The following ZSWIM8 variants were observed in gnomAD, a reference collection of about 807,000 sequenced individuals.
The protein encoded by ZSWIM8 is zinc finger SWIM domain-containing protein 8.
ZSWIM8 carries 27 observed loss-of-function variants against 173.7 expected under a neutral mutation model. That is an observed-to-expected ratio of 0.16 (90% CI 0.11 to 0.21). ZSWIM8 has a LOEUF of 0.21. Among genes scored for constraint, ZSWIM8 ranks in the 10% least tolerant of loss-of-function variants. The pLI, the probability that ZSWIM8 is intolerant of heterozygous loss-of-function variation, is 1.00. For synonymous variants in ZSWIM8, 958 were observed against 962.0 expected (o/e 1.00, Z 0.08); for missense variants, 1,627 against 2,428.8 (o/e 0.67, Z 6.94).
At chr10:73,796,482 G>C in intron 15 of ZSWIM8, 1 of 471,142 alleles carries the variant, frequency 2.1e-6, no homozygotes. Context: ...TGGGCATGGG[G>C]TGGAAGAAGA....
chr10:73,789,126 G>C lies in ZSWIM8; in HGVS notation c.393G>C (p.Ala131=). Residue 131 remains alanine, a synonymous_variant, in exon 3 of 26, where the codon GCG becomes GCC. Transcript: ENST00000604729. This position sits in a 1 kb window ranked among gnomAD's most constrained non-coding sequence, Gnocchi z 6.8. ...RLYSCLANGS[A]DEFQRGDQLF... Reference sequence around the variant, plus strand: ...ATTCGTGCCTGGCCAATGGCAGTGCGGATGAGTTTCAGCGAGGGGATCAGC... The same window carrying C: ...ATTCGTGCCTGGCCAATGGCAGTGCCGATGAGTTTCAGCGAGGGGATCAGC... 1 of 1,613,974 alleles carries C rather than the reference G, an allele frequency of 6.2e-7. No individual in the cohort carries two copies. Among genetic ancestry groups the C allele is most frequent in the Middle Eastern group, 1.6e-4 (1 of 6,062 alleles).
In ZSWIM8 at chr10:73,787,021, G is replaced by A. The variant is rs898436149; in HGVS notation, c.208+935G>A. On this transcript the variant is annotated intron_variant, in intron 1 of 25. Transcript: ENST00000604729. ...TGCAATGGCACGATCTCGGCTCACC[G>A]CAACCTCCGCCTCCCCAGTTCAAGC... Among the ~76,000 whole-genome samples, 89 of 149,696 alleles carry A rather than the reference G, an allele frequency of 5.9e-4. 2 individuals carry two copies. Among genetic ancestry groups the A allele is most frequent in the African/African-American group, 2.5e-4 (10 of 40,412 alleles).
intron 6 of ZSWIM8, 63 bp from the exon 7 acceptor site, chr10:73,790,109 C>T: frequency 6.2e-7 from 1 of 1,610,908 alleles, no homozygotes; most frequent in Non-Finnish European, 8.5e-7. Flanking sequence ...TTACTCAAGG[C>T]TTGCTGTTGT....
Position 73,789,503 on chromosome 10 carries a change from C to G in ZSWIM8, c.594C>G (p.Thr198=). 6.2e-7 allele frequency: 1 copy of G among 1,613,218 alleles called. No homozygotes were observed. Among genetic ancestry groups the G allele is most frequent in the Non-Finnish European group, 8.5e-7 (1 of 1,179,714 alleles). The change falls in exon 4 of 26, where the codon ACC becomes ACG. Residue 198 remains threonine, a synonymous_variant. Transcript: ENST00000604729. This position sits in a 1 kb window ranked among gnomAD's most constrained non-coding sequence, Gnocchi z 6.8. Reference sequence around the variant, plus strand: ...GTGGGGCTGGGGCCAAATGGTGCACCCACGTCGTGGCACTCTGTCTCTTCC... The same window carrying G: ...GTGGGGCTGGGGCCAAATGGTGCACGCACGTCGTGGCACTCTGTCTCTTCC... ...CTCGAGAKWC[T]HVVALCLFRI... is the part of the protein sequence containing the mutation.
rs753329437 is a variant in ZSWIM8 at position 73,792,248 on chromosome 10, G to C, written c.1709G>C (p.Gly570Ala). The C allele has an allele frequency of 1.3e-6, 2 of 1,574,540 alleles. No homozygotes were observed. Among genetic ancestry groups the C allele is most frequent in the Non-Finnish European group, 1.7e-6 (2 of 1,158,958 alleles). ...GGTCCCCGCCGCCTCTCAGCTGAAG[G>C]GGGAGATAAAGCTCTACATAAGATG... ...QRGPRRLSAEGGDKALHKMGP... is the reference protein window; with the variant it reads ...QRGPRRLSAEAGDKALHKMGP... Residue 570 changes from glycine to alanine, a missense_variant, in exon 10 of 26, where the codon GGG becomes GCG. By Grantham distance (60) the Gly-to-Ala change is moderately conservative (BLOSUM62 0). Transcript: ENST00000604729. This position sits in a 1 kb window ranked among gnomAD's most constrained non-coding sequence, Gnocchi z 4.3.
In ZSWIM8 at chr10:73,799,242, G is replaced by A; in HGVS notation, c.4417G>A (p.Val1473Ile). ...TAGAGGGGGCCCAGGGACTGAGCCG[G>A]TTACAGTGGCAGCGGCAGCAGTGAC... ...EGRGGPGTEP[V>I]TVAAAAVTAA... is the part of the protein sequence containing the mutation. The change falls in exon 21 of 26, where the codon GTT becomes ATT. Residue 1473 changes from valine (V) to isoleucine (I), a missense_variant. This residue lies in a region of ZSWIM8 where 275 missense variants were observed against 290.1 expected (regional missense o/e 0.95). Coordinates refer to ENST00000604729, the MANE Select transcript of ZSWIM8 (RefSeq NM_001367799.1). 2 of 1,603,210 alleles carry A rather than the reference G, an allele frequency of 1.2e-6. No individual in the cohort carries two copies. Among genetic ancestry groups the A allele is most frequent in the Non-Finnish European group, 1.7e-6 (2 of 1,174,960 alleles).
intron 15 of ZSWIM8, 44 bp downstream of exon 15, chr10:73,795,707 C>T: frequency 6.3e-7 from 1 of 1,589,270 alleles, no homozygotes. Flanking sequence ...CCTGTAATCC[C>T]AGCAGTTTGG....
In ZSWIM8 at chr10:73,792,118, T is replaced by C. The variant is rs748904764; in HGVS notation, c.1579T>C (p.Ser527Pro). The part of the protein sequence containing the change: ...GASRSGGLEE[S>P]RDRPRPLPTE... ...CTCCCGCTCTGGGGGCCTGGAGGAA[T>C]CCCGGGACCGGCCCCGACCCCTTCC... Residue 527 changes from serine (S) to proline (P), a missense_variant, in exon 10 of 26, where the codon TCC becomes CCC. Around this residue, in one of 18 missense-constraint regions of ZSWIM8, gnomAD observed 383 missense variants for 394.8 expected, o/e 0.97. Coordinates refer to ENST00000604729, the MANE Select transcript of ZSWIM8 (RefSeq NM_001367799.1). This position sits in a 1 kb window ranked among gnomAD's most constrained non-coding sequence, Gnocchi z 4.3. The C allele has an allele frequency of 7.1e-5, 109 of 1,530,414 alleles. No individual in the cohort carries two copies. The highest frequency in any genetic ancestry group is 8.9e-5 in the Non-Finnish European group (101 of 1,135,516). The allele number at this position is 1,530,414 out of a possible 1,614,324, so 94.8% of individuals were successfully genotyped here. A position where few individuals can be genotyped will look rare whatever the true frequency, so the allele number is the denominator to read the frequency against.
At chr10:73,790,377 C>T in intron 7 of ZSWIM8, 85 bp downstream of exon 7, 1 of 1,510,780 alleles carries the variant, frequency 6.6e-7, no homozygotes, top group Non-Finnish European at 8.9e-7. Flanking sequence ...TCTATTCATG[C>T]CTGTGACCCC....
In ZSWIM8 at chr10:73,794,869, T is replaced by C. The variant is rs2083559942; in HGVS notation, c.2908+230T>C. On this transcript the variant is annotated intron_variant, in intron 14 of 25. Transcript: ENST00000604729. ...TTGGGAGGCTGAAGCAGGAGGATTG[T>C]TTGAGCTCAGGAGTTCATGACCAGC... 4 of 365,320 alleles carry C rather than the reference T, an allele frequency of 1.1e-5. No individual in the cohort carries two copies. In the South Asian group the frequency reaches 1.3e-4, roughly 11 times the overall value. The allele number at this position is 365,320 out of a possible 1,614,324, so 22.6% of individuals were successfully genotyped here.
At position 73,799,485 on chromosome 10, in the gene ZSWIM8, C is replaced by T; in HGVS notation, c.4660C>T (p.Pro1554Ser). The change falls in exon 21 of 26, where the codon CCA (proline) becomes TCA (serine). Residue 1554 changes from proline to serine, a missense_variant. Pro to Ser is a moderately conservative substitution (Grantham distance 74). Around this residue, in one of 18 missense-constraint regions of ZSWIM8, gnomAD observed 275 missense variants for 290.1 expected, o/e 0.95. Transcript: ENST00000604729. ...CTTCCCTGTGCCCAGCTCTGCATAC[C>T]CACAGGTGAGACCAGTGTTCTGCTG... is the stretch of plus-strand genomic sequence containing the variant. ...AVFPVPSSAY[P>S]QGVHPAFLGA... 1 of 1,597,944 alleles carries T rather than the reference C, an allele frequency of 6.3e-7. No individual in the cohort carries two copies. Among genetic ancestry groups the T allele is most frequent in the South Asian group, 1.1e-5 (1 of 88,416 alleles).
rs2083499842 is a variant in ZSWIM8 at position 73,793,574 on chromosome 10, T to C, written c.2314-14T>C. Reference sequence around the variant, plus strand: ...TGGGACTTTAACCTGTCTGGTCCCATGTCCTCCTTCCAGGTACTGTTTGCC... The same window carrying C: ...TGGGACTTTAACCTGTCTGGTCCCACGTCCTCCTTCCAGGTACTGTTTGCC... On this transcript the variant is annotated splice_polypyrimidine_tract_variant and intron_variant, in intron 10 of 25. Transcript: ENST00000604729. 2 of 1,569,316 alleles carry C rather than the reference T, an allele frequency of 1.3e-6. No homozygotes were observed. The highest frequency in any genetic ancestry group is 1.9e-5 in the Admixed American group (1 of 53,492).
In ZSWIM8 at chr10:73,798,217, C is replaced by T. The variant is rs201768297; in HGVS notation, c.3953-13C>T. ...CACTAACCCAACTCTGCCCTTCTCT[C>T]CTTTCCCCTAAGGCCAGGCCATGGA... On this transcript the variant is annotated splice_polypyrimidine_tract_variant and intron_variant, in intron 19 of 25. Transcript: ENST00000604729. 5.5e-5 allele frequency: 88 copies of T among 1,613,324 alleles called. No homozygotes were observed. The highest frequency in any genetic ancestry group is 7.1e-5 in the Non-Finnish European group (84 of 1,179,328).
intron 15 of ZSWIM8, chr10:73,796,332 G>C (rs1363796344): frequency 1.4e-5 from 6 of 420,102 alleles, no homozygotes; most frequent in Non-Finnish European, 2.3e-5. Flanking sequence ...CTGGGCAACA[G>C]AGCGAGACCC....
At position 73,792,994 on chromosome 10, in the gene ZSWIM8, A is replaced by C; in HGVS notation, c.2313+142A>C. ...GCGCCGAACTGGTCTCCCTGCTTTC[A>C]GTCTACTCACTTTTCTGCTTCCACG... On this transcript the variant is annotated intron_variant, in intron 10 of 25. Coordinates refer to ENST00000604729, the MANE Select transcript of ZSWIM8 (RefSeq NM_001367799.1). The surrounding 1 kb of genome is among the most constrained non-coding windows in gnomAD (Gnocchi z 4.3). The C allele has an allele frequency of 9.7e-7, 1 of 1,029,466 alleles. No individual in the cohort carries two copies. 63.8% of individuals were successfully genotyped at this position (1,029,466 alleles called of 1,614,324 possible). A position where few individuals can be genotyped will look rare whatever the true frequency, so the allele number is the denominator to read the frequency against.
intron 21 of ZSWIM8, 63 bp downstream of exon 21, chr10:73,799,553 G>A (rs773469430): frequency 3.2e-4 from 505 of 1,560,908 alleles, no homozygotes; most frequent in Non-Finnish European, 4.2e-4. Flanking sequence ...ATAGGGGGTT[G>A]GAGTGGGTAC....
At position 73,789,124 on chromosome 10, in the gene ZSWIM8, G is replaced by C; in HGVS notation, c.391G>C (p.Ala131Pro). The change falls in exon 3 of 26, where the codon GCG (alanine) becomes CCG (proline). Residue 131 changes from alanine (A) to proline (P), a missense_variant. Transcript: ENST00000604729. The surrounding 1 kb of genome is among the most constrained non-coding windows in gnomAD (Gnocchi z 6.8). The stretch of plus-strand genomic sequence containing the variant: ...GTATTCGTGCCTGGCCAATGGCAGT[G>C]CGGATGAGTTTCAGCGAGGGGATCA... The part of the protein sequence containing the change: ...RLYSCLANGS[A>P]DEFQRGDQLF... 1.9e-6 allele frequency: 3 copies of C among 1,614,030 alleles called. No individual in the cohort carries two copies. The highest frequency in any genetic ancestry group is 2.5e-6 in the Non-Finnish European group (3 of 1,179,882).
chr10:73,794,499 A>G (rs200236812), intron 13 of ZSWIM8, 42 bp from the exon 14 acceptor site: 208 of 1,569,082 alleles, frequency 1.3e-4, no homozygotes, highest in Non-Finnish European at 1.7e-4. Flanking sequence ...TTTCCCATGC[A>G]TGATACTTCT....
chr10:73,794,687 G>A (rs1409423891), intron 14 of ZSWIM8, 48 bp downstream of exon 14: 2 of 1,477,906 alleles, frequency 1.4e-6, no homozygotes, highest in Non-Finnish European at 1.8e-6. Flanking sequence ...AGGTCTTGAA[G>A]GACATGAGAC....
Sources: gnomAD v4.1 joint callset for allele counts (sites outside exome capture counted in the v4.1 genomes callset) on GRCh38, gnomAD v4.1.1 for gene constraint, gnomAD v4.1.1 regional missense constraint, Gnocchi (gnomAD v3.1) non-coding constraint, MANE v1.5 for transcripts, NCBI Gene and HGNC (gene_info 2026-07-23, HGNC 2026-07-21) for gene names.